The following AUTS2 variants were observed in gnomAD, a reference collection of about 807,000 sequenced individuals.
AUTS2 encodes activator of transcription and developmental regulator AUTS2, also known as autism susceptibility gene 2 protein.
In AUTS2, 17 loss-of-function variants were observed where a neutral mutation model predicts 112.4. That is an observed-to-expected ratio of 0.15 (90% CI 0.10 to 0.23). AUTS2 has a LOEUF of 0.23. AUTS2 is among the 10% of genes least tolerant of loss of function. The pLI, the probability that AUTS2 is intolerant of heterozygous loss-of-function variation, is 1.00. For missense variants in AUTS2, 1,510 were observed against 1,701.6 expected, an observed-to-expected ratio of 0.89 and a Z score of 1.98; for synonymous variants, 751 against 702.7, an observed-to-expected ratio of 1.07 and a Z score of -1.09.
chr7:70,134,413 C>CA (rs1806437796), intron 3 of AUTS2, 123 bp from the exon 4 acceptor site: 2 of 768,590 alleles, frequency 2.6e-6, no homozygotes, highest in South Asian at 3.1e-5. Flanking sequence ...CAAGGGGCAG[C>CA]ATACACTGGT....
At chr7:70,007,648 C>T (rs952916867) in intron 2 of AUTS2, among the ~76,000 whole-genome samples, 3 of 152,126 alleles carry the variant, frequency 2.0e-5, no homozygotes, top group South Asian at 2.1e-4. Flanking sequence ...TTATTTTAGA[C>T]ATGAGAAAAG....
At chr7:69,989,535 AGAG>A (rs1798652452) in intron 2 of AUTS2, among the ~76,000 whole-genome samples, 1 of 126,504 alleles carries the variant, frequency 7.9e-6, no homozygotes, top group Non-Finnish European at 1.7e-5. Flanking sequence ...AGGGAAGGAG[AGAG>A]GAGGAATGTT....
chr7:70,647,891 A>G (rs149602939), intron 5 of AUTS2, among the ~76,000 whole-genome samples: 197 of 152,208 alleles, frequency 1.3e-3, no homozygotes, highest in African/African-American at 4.4e-3. Flanking sequence ...TAGATCTAAG[A>G]AGTCCATTGT....
chr7:69,765,368 G>A (rs1372048888), intron 1 of AUTS2, among the ~76,000 whole-genome samples: 2 of 152,196 alleles, frequency 1.3e-5, no homozygotes, highest in Non-Finnish European at 2.9e-5. Flanking sequence ...CAAAGCGGGT[G>A]TATTCTCATT....
rs1187978690 is a variant in AUTS2, at chr7:70,298,716, CCTT to C, written c.661-137033_661-137031del. 2.0e-5 allele frequency among the ~76,000 whole-genome samples: 3 copies of C among 152,326 alleles called. No individual in the cohort carries two copies. In the East Asian group the frequency reaches 5.8e-4, roughly 29 times the overall value. Reference sequence around the variant, plus strand: ...ACACTGGCAGTAATACCTGGGCTCACCTTCTCCTTAACCCAAATTAACACATGC... The same window carrying C: ...ACACTGGCAGTAATACCTGGGCTCACCTCCTTAACCCAAATTAACACATGC... On this transcript the variant is annotated intron_variant, in intron 4 of 18. Transcript: ENST00000342771.
intron 2 of AUTS2, among the ~76,000 whole-genome samples, chr7:69,969,076 T>C (rs564471458): frequency 6.6e-6 from 1 of 152,130 alleles, no homozygotes; most frequent in Admixed American, 6.6e-5. Flanking sequence ...TAGATTACTT[T>C]CCTTTGAGAA....
At chr7:70,250,238 A>G (rs1444309409) in intron 4 of AUTS2, among the ~76,000 whole-genome samples, 5 of 152,156 alleles carry the variant, frequency 3.3e-5, no homozygotes, top group Non-Finnish European at 7.3e-5. Flanking sequence ...GGACTCAGTT[A>G]CAAATAGGGA....
chr7:69,765,528 G>A (rs886297455), intron 1 of AUTS2, among the ~76,000 whole-genome samples: 1 of 152,146 alleles, frequency 6.6e-6, no homozygotes, highest in Non-Finnish European at 1.5e-5. Flanking sequence ...TGTTGCCCAG[G>A]TTGGTCTTAA....
At chr7:70,341,691 G>A (rs1562893249) in intron 4 of AUTS2, among the ~76,000 whole-genome samples, 1 of 152,220 alleles carries the variant, frequency 6.6e-6, no homozygotes, top group Admixed American at 6.5e-5. Flanking sequence ...CCAATCTAAT[G>A]CTCAGAAAAG....
intron 1 of AUTS2, among the ~76,000 whole-genome samples, chr7:69,726,445 G>A (rs1368497393): frequency 1.3e-5 from 2 of 150,942 alleles, no homozygotes; most frequent in Non-Finnish European, 2.9e-5. Context: ...CCTGTTGGTA[G>A]ACATTTAAAT....
intron 6 of AUTS2, among the ~76,000 whole-genome samples, chr7:70,713,069 G>A (rs1267835880): frequency 6.6e-6 from 1 of 152,190 alleles, no homozygotes; most frequent in Non-Finnish European, 1.5e-5. Flanking sequence ...CTAGGGCTCT[G>A]CTCATCTGAA....
intron 1 of AUTS2, among the ~76,000 whole-genome samples, chr7:69,834,577 C>G (rs1791641195): frequency 1.3e-5 from 2 of 152,202 alleles, no homozygotes; most frequent in South Asian, 4.1e-4. Flanking sequence ...AAACTACCTG[C>G]TCTGGTGTGT....
chr7:70,563,822 T>G lies in AUTS2; in HGVS notation c.690+128041T>G, dbSNP rs1264313465. Among the ~76,000 whole-genome samples, 3 of 152,184 alleles carry G rather than the reference T, an allele frequency of 2.0e-5. No individual in the cohort carries two copies. In the East Asian group the frequency reaches 5.8e-4, roughly 29 times the overall value. ...GGTGTTCTGCCCTTAAAATGCTAAT[T>G]ATAGACTATTGCAGATCAATGATCT... On this transcript the variant is annotated intron_variant, in intron 5 of 18. Transcript: ENST00000342771.
At chr7:69,779,780 A>AT (rs1789067388) in intron 1 of AUTS2, among the ~76,000 whole-genome samples, 1 of 150,660 alleles carries the variant, frequency 6.6e-6, no homozygotes, top group African/African-American at 2.4e-5. Context: ...AAAAAAAAAA[A>AT]TTAAAAAAAA....
At chr7:69,658,385 G>C (rs1279946130) in intron 1 of AUTS2, among the ~76,000 whole-genome samples, 2 of 152,212 alleles carry the variant, frequency 1.3e-5, no homozygotes, top group African/African-American at 4.8e-5. Flanking sequence ...GTGAAAGTTA[G>C]ATGAATGACT....
intron 1 of AUTS2, among the ~76,000 whole-genome samples, chr7:69,756,461 A>G (rs1299581355): frequency 1.3e-5 from 2 of 152,240 alleles, no homozygotes; most frequent in Non-Finnish European, 2.9e-5. Flanking sequence ...TCACTCAGAA[A>G]GAAAGGAGAG....
At chr7:69,899,719 A>G (rs1794897404) in intron 2 of AUTS2, among the ~76,000 whole-genome samples, 1 of 152,196 alleles carries the variant, frequency 6.6e-6, no homozygotes, top group East Asian at 1.9e-4. Flanking sequence ...TTTCAGTCAG[A>G]TGTGCTTTAT....
intron 2 of AUTS2, among the ~76,000 whole-genome samples, chr7:69,974,313 CTG>C (rs1018625526): frequency 2.7e-5 from 4 of 148,640 alleles, no homozygotes; most frequent in Admixed American, 2.0e-4. Context: ...TGTCTTTTTT[CTG>C]TGTCAGTCAT....
chr7:69,771,416 G>A (rs1035392067), intron 1 of AUTS2, among the ~76,000 whole-genome samples: 4 of 152,186 alleles, frequency 2.6e-5, no homozygotes, highest in Admixed American at 6.5e-5. Flanking sequence ...TGTTGAACAC[G>A]GGGGTACAGA....
Sources: gnomAD v4.1 joint callset for allele counts (sites outside exome capture counted in the v4.1 genomes callset) on GRCh38, gnomAD v4.1.1 for gene constraint, MANE v1.5 for transcripts, NCBI Gene and HGNC (gene_info 2026-07-23, HGNC 2026-07-21) for gene names.